The following CSMD1 variants were observed in gnomAD, a reference collection of about 807,000 sequenced individuals.
CSMD1 encodes the protein CUB and sushi domain-containing protein 1.
In CSMD1, 213 loss-of-function variants were observed where a neutral mutation model predicts 417.5. The observed-to-expected ratio is 0.51, with a 90% CI of 0.46 to 0.57. CSMD1 has a LOEUF of 0.57. CSMD1 is among the 20% of genes least tolerant of loss of function. CSMD1 has a pLI of 0.00. For missense variants in CSMD1, 6,923 were observed against 4,529.7 expected (o/e 1.53, Z -15.17); for synonymous variants, 2,862 against 1,736.8 (o/e 1.65, Z -16.11).
chr8:4,351,276 G>A (rs942221601), intron 3 of CSMD1, among the ~76,000 whole-genome samples: 4 of 152,252 alleles, frequency 2.6e-5, no homozygotes, highest in East Asian at 3.9e-4. Context: ...ACATTAGAAC[G>A]TATCTTTCCT....
At chr8:2,958,784 C>T (rs1563180844) in intron 62 of CSMD1, among the ~76,000 whole-genome samples, 2 of 152,240 alleles carry the variant, frequency 1.3e-5, no homozygotes, top group East Asian at 1.9e-4. Context: ...TTGAATTCCC[C>T]TCTTGTTTCT....
At chr8:3,241,801 A>G (rs1254311787) in intron 26 of CSMD1, among the ~76,000 whole-genome samples, 1 of 152,090 alleles carries the variant, frequency 6.6e-6, no homozygotes, top group Non-Finnish European at 1.5e-5. Context: ...AAGGAACTGC[A>G]ACTTAGAAAT....
At chr8:4,405,563 C>G (rs1035303768) in intron 3 of CSMD1, among the ~76,000 whole-genome samples, 1 of 151,900 alleles carries the variant, frequency 6.6e-6, no homozygotes, top group Non-Finnish European at 1.5e-5. Context: ...ACCATGGATT[C>G]AGAAATACAC....
intron 21 of CSMD1, among the ~76,000 whole-genome samples, chr8:3,351,876 A>G (rs1808449445): frequency 6.6e-6 from 1 of 151,908 alleles, no homozygotes; most frequent in Non-Finnish European, 1.5e-5. Context: ...TTAACATAGA[A>G]TCACATTTTT....
chr8:4,162,769 G>C (rs934165388), intron 3 of CSMD1, among the ~76,000 whole-genome samples: 5 of 152,104 alleles, frequency 3.3e-5, no homozygotes, highest in South Asian at 2.1e-4. Context: ...CAAACCCCCA[G>C]TTTACAATAG....
chr8:4,043,629 A>T (rs1228001762), intron 3 of CSMD1, among the ~76,000 whole-genome samples: 1 of 152,220 alleles, frequency 6.6e-6, no homozygotes, highest in Non-Finnish European at 1.5e-5. Flanking sequence ...AAAAGACGAA[A>T]TGCATTTTTT....
chr8:3,696,656 A>C (rs545815912), intron 7 of CSMD1, among the ~76,000 whole-genome samples: 5 of 152,338 alleles, frequency 3.3e-5, no homozygotes, highest in African/African-American at 1.2e-4. Flanking sequence ...ATGCACATTA[A>C]AGCTCATCCA....
intron 1 of CSMD1, among the ~76,000 whole-genome samples, chr8:4,704,782 G>A (rs1193685366): frequency 1.3e-5 from 2 of 152,168 alleles, no homozygotes; most frequent in African/African-American, 4.8e-5. Context: ...AAAGGGAGTG[G>A]CAGTTGTCCT....
At chr8:2,969,011 CA>C (rs1804210447) in intron 57 of CSMD1, among the ~76,000 whole-genome samples, 1 of 151,884 alleles carries the variant, frequency 6.6e-6, no homozygotes, top group South Asian at 2.1e-4. Context: ...TGCTACATGA[CA>C]AAAATTGCTG....
intron 10 of CSMD1, among the ~76,000 whole-genome samples, chr8:3,516,439 G>C (rs1355987599): frequency 6.6e-6 from 1 of 152,140 alleles, no homozygotes; most frequent in African/African-American, 2.4e-5. Flanking sequence ...GTCTAGCCAG[G>C]CCTGGTTGAG....
At chr8:4,105,475 C>G (rs1233583117) in intron 3 of CSMD1, among the ~76,000 whole-genome samples, 1 of 152,156 alleles carries the variant, frequency 6.6e-6, no homozygotes. Flanking sequence ...TAATTATATA[C>G]TGAGGAAACT....
At chr8:4,841,329 G>A (rs1291247749) in intron 1 of CSMD1, among the ~76,000 whole-genome samples, 2 of 152,238 alleles carry the variant, frequency 1.3e-5, no homozygotes, top group Non-Finnish European at 2.9e-5. Flanking sequence ...GACTTATGCT[G>A]GTTTTGGAAC....
At chr8:4,450,613 G>A (rs1002127225) in intron 2 of CSMD1, among the ~76,000 whole-genome samples, 1 of 152,096 alleles carries the variant, frequency 6.6e-6, no homozygotes, top group African/African-American at 2.4e-5. Flanking sequence ...CCTGGTAACA[G>A]AGTGACACTC....
At chr8:3,031,454 T>G (rs1810334325) in intron 50 of CSMD1, among the ~76,000 whole-genome samples, 1 of 151,838 alleles carries the variant, frequency 6.6e-6, no homozygotes, top group Admixed American at 6.6e-5. Flanking sequence ...CCCTAAAACT[T>G]AAAGTCTAAC....
At chr8:4,216,356 A>T (rs773408230) in intron 3 of CSMD1, among the ~76,000 whole-genome samples, 2 of 152,162 alleles carry the variant, frequency 1.3e-5, no homozygotes, top group South Asian at 4.1e-4. Flanking sequence ...TGATCTCATC[A>T]CTTTTAACAT....
chr8:3,703,475 C>T (rs1800989487), intron 7 of CSMD1, among the ~76,000 whole-genome samples: 1 of 134,354 alleles, frequency 7.4e-6, no homozygotes, highest in Non-Finnish European at 1.6e-5. Flanking sequence ...TTCATTCATT[C>T]ATTCATCAGT....
chr8:4,624,602 G>A (rs780734666), intron 2 of CSMD1, among the ~76,000 whole-genome samples: 5 of 152,106 alleles, frequency 3.3e-5, no homozygotes, highest in Non-Finnish European at 5.9e-5. Flanking sequence ...GAAGATCCAC[G>A]ACATTGGACA....
chr8:4,581,627 T>G (rs1006710358), intron 2 of CSMD1, among the ~76,000 whole-genome samples: 1 of 152,188 alleles, frequency 6.6e-6, no homozygotes, highest in Non-Finnish European at 1.5e-5. Flanking sequence ...GATTCCTCAG[T>G]GTTAAAAGAA....
At chr8:4,276,936 G>C (rs1796519300) in intron 3 of CSMD1, among the ~76,000 whole-genome samples, 1 of 152,098 alleles carries the variant, frequency 6.6e-6, no homozygotes, top group African/African-American at 2.4e-5. Flanking sequence ...AAAGTAGCCT[G>C]TGTATGTTTT....
Sources: allele counts gnomAD v4.1 joint callset (sites outside exome capture counted in the v4.1 genomes callset), GRCh38; gene constraint gnomAD v4.1.1; transcripts MANE v1.5; gene names NCBI Gene and HGNC (gene_info 2026-07-23, HGNC 2026-07-21).